The following CENPQ variants were observed in gnomAD, a reference collection of about 807,000 sequenced individuals.
CENPQ encodes the protein centromere protein Q, also known as chromosome 6 open reading frame 139.
Under a neutral mutation model 36.6 loss-of-function variants are expected in CENPQ, and 27 were observed. The observed-to-expected ratio is 0.74, with a 90% CI of 0.54 to 1.02. The LOEUF (loss-of-function observed/expected upper bound fraction) is 1.02, where lower values mean the gene tolerates loss of function less well. CENPQ is among the 50% of genes least tolerant of loss of function. CENPQ has a pLI of 0.00. For synonymous variants in CENPQ, 101 were observed against 101.7 expected, an observed-to-expected ratio of 0.99 and a Z score of 0.04; for missense variants, 306 against 301.8, an observed-to-expected ratio of 1.01 and a Z score of -0.10.
At position 49,492,251 on chromosome 6, in the gene CENPQ, C is replaced by T. The variant is rs909101137; in HGVS notation, c.783C>T (p.Ala261=). Residue 261 remains alanine, a synonymous_variant, in exon 9 of 9, where the codon GCC becomes GCT. Transcript: ENST00000335783. ...MKSMSTFIEE[A]YKKLDAS ...GCATGTCAACCTTCATTGAAGAAGC[C>T]TATAAGAAACTGGATGCATCTTAAA... 41 of 1,597,250 alleles carry T rather than the reference C, an allele frequency of 2.6e-5. No individual in the cohort carries two copies. The highest frequency in any genetic ancestry group is 2.6e-5 in the Non-Finnish European group (31 of 1,174,398).
intron 6 of CENPQ, among the ~76,000 whole-genome samples, chr6:49,487,112 C>T (rs550056430): frequency 2.0e-3 from 1 of 502 alleles, no homozygotes. Flanking sequence ...AAAATAGTGC[C>T]ATTGCACTCT....
At position 49,472,156 on chromosome 6, in the gene CENPQ, T is replaced by C; in HGVS notation, c.251T>C (p.Leu84Ser). 6.2e-7 allele frequency: 1 copy of C among 1,612,092 alleles called. No individual in the cohort carries two copies. Among genetic ancestry groups the C allele is most frequent in the South Asian group, 1.1e-5 (1 of 90,648 alleles). ...CTGTCAAAGAGTACCAGAGACCATT[T>C]GCAAACTATGATGGAATCAGTAATA... Reference protein sequence around the residue: ...QPLSKSTRDHLQTMMESVIMT... With the variant: ...QPLSKSTRDHSQTMMESVIMT... The change falls in exon 4 of 9, where the codon TTG becomes TCG. Residue 84 changes from leucine to serine, a missense_variant. By Grantham distance (145) the Leu-to-Ser change is moderately radical. Transcript: ENST00000335783.
At chr6:49,471,659 G>A (rs941818138) in intron 3 of CENPQ, among the ~76,000 whole-genome samples, 2 of 151,834 alleles carry the variant, frequency 1.3e-5, no homozygotes, top group African/African-American at 4.8e-5. Context: ...AGTACCAACA[G>A]CATAGTTGAC....
At chr6:49,466,091 A>C (rs1166042478) in intron 1 of CENPQ, among the ~76,000 whole-genome samples, 1 of 152,126 alleles carries the variant, frequency 6.6e-6, no homozygotes, top group Non-Finnish European at 1.5e-5. Context: ...TTTCAATATC[A>C]TTGTGTCTCA....
rs753384756 is a variant in CENPQ at position 49,472,133 on chromosome 6, G to A, written c.228G>A (p.Leu76=). Residue 76 remains leucine (L), a synonymous_variant, in exon 4 of 9, where the codon CTG becomes CTA. Transcript: ENST00000335783. ...GCAAGAGAAAAACCTGGCAACCTCTGTCAAAGAGTACCAGAGACCATTTGC... is the reference window on the plus strand; with the variant it reads ...GCAAGAGAAAAACCTGGCAACCTCTATCAAAGAGTACCAGAGACCATTTGC... ...AASKRKTWQP[L]SKSTRDHLQT... 6.2e-7 allele frequency: 1 copy of A among 1,612,866 alleles called. No individual in the cohort carries two copies. Among genetic ancestry groups the A allele is most frequent in the East Asian group, 2.2e-5 (1 of 44,810 alleles).
chr6:49,472,290 T>C (rs924569627), intron 4 of CENPQ, 107 bp downstream of exon 4: 1 of 899,844 alleles, frequency 1.1e-6, no homozygotes, highest in Admixed American at 3.2e-5. Context: ...ATAGAGTATA[T>C]TTCTATTTCG....
intron 7 of CENPQ, 53 bp from the exon 8 acceptor site, chr6:49,488,554 A>T (rs1768644319): frequency 6.3e-7 from 1 of 1,593,444 alleles, no homozygotes; most frequent in Non-Finnish European, 8.6e-7. Context: ...CGAGTATAAT[A>T]TGATGAGAGA....
At chr6:49,486,312 T>G (rs897822570) in intron 6 of CENPQ, among the ~76,000 whole-genome samples, 1 of 152,192 alleles carries the variant, frequency 6.6e-6, no homozygotes, top group Non-Finnish European at 1.5e-5. Flanking sequence ...CAGAATGAAT[T>G]TCTGTTATTT....
In CENPQ at chr6:49,465,303, C is replaced by T. The variant is rs113785666; in HGVS notation, c.-19+1850C>T. Among the ~76,000 whole-genome samples, 398 of 152,286 alleles carry T rather than the reference C, an allele frequency of 2.6e-3. 2 individuals are homozygous for T. The highest frequency in any genetic ancestry group is 9.2e-3 in the African/African-American group (381 of 41,562). ...GATGTGCTGTCACTCATGCTTTGTTCTTCCATTTCCAGAGCACAGACAGAG... is the reference window on the plus strand; with the variant it reads ...GATGTGCTGTCACTCATGCTTTGTTTTTCCATTTCCAGAGCACAGACAGAG... On this transcript the variant is annotated intron_variant, in intron 1 of 8. Transcript: ENST00000335783.
intron 8 of CENPQ, 118 bp from the exon 9 acceptor site, chr6:49,492,026 A>G (rs529668570): frequency 3.5e-5 from 26 of 746,578 alleles, no homozygotes; most frequent in Non-Finnish European, 3.8e-5. Flanking sequence ...ATTCGTTGAC[A>G]ATTATTGAAG....
In CENPQ at chr6:49,472,675, GA is replaced by G. The variant is rs1768170309; in HGVS notation, c.279-114del. 3 of 721,500 alleles carry G rather than the reference GA, an allele frequency of 4.2e-6. No homozygotes were observed. The East Asian group carries it at 1.1e-4, about 27-fold the overall frequency. The allele number at this position is 721,500 out of a possible 1,614,324, so 44.7% of individuals were successfully genotyped here. On this transcript the variant is annotated intron_variant, in intron 4 of 8. Transcript: ENST00000335783. ...CTTTAATATGAAAGGAAAAGTGATT[GA>G]TTTTGCCTGGCTAGTGGGGAGGGGT...
chr6:49,466,794 T>C (rs1011513306), intron 1 of CENPQ, among the ~76,000 whole-genome samples: 2 of 152,246 alleles, frequency 1.3e-5, no homozygotes, highest in Admixed American at 1.3e-4. Flanking sequence ...ATGTTAGTAC[T>C]TTTATTAATC....
intron 1 of CENPQ, among the ~76,000 whole-genome samples, chr6:49,464,577 T>C (rs1475983420): frequency 6.6e-6 from 1 of 152,262 alleles, no homozygotes; most frequent in East Asian, 1.9e-4. Flanking sequence ...GAGTAAATCC[T>C]CTTAACCCCT....
At chr6:49,472,404 G>A (rs1056034808) in intron 4 of CENPQ, among the ~76,000 whole-genome samples, 1 of 152,056 alleles carries the variant, frequency 6.6e-6, no homozygotes, top group African/African-American at 2.4e-5. Flanking sequence ...AAGTGTTTGT[G>A]GCCTGACTTG....
intron 5 of CENPQ, among the ~76,000 whole-genome samples, chr6:49,475,131 G>C (rs113086886): frequency 0.015 from 2,299 of 151,952 alleles, 66 homozygotes; most frequent in African/African-American, 0.051. Flanking sequence ...AATAGAAAAA[G>C]AGGGAATTTT....
At chr6:49,475,961 G>C (rs1260964282) in intron 5 of CENPQ, among the ~76,000 whole-genome samples, 1 of 152,104 alleles carries the variant, frequency 6.6e-6, no homozygotes, top group African/African-American at 2.4e-5. Context: ...CATGCTCATG[G>C]ATGGGAAGAA....
At chr6:49,479,276 A>T (rs1431877119) in intron 5 of CENPQ, among the ~76,000 whole-genome samples, 1 of 152,176 alleles carries the variant, frequency 6.6e-6, no homozygotes, top group Non-Finnish European at 1.5e-5. Flanking sequence ...ACTTAAACAA[A>T]TTAGCAAGCA....
intron 5 of CENPQ, among the ~76,000 whole-genome samples, chr6:49,479,826 C>G (rs536808084): frequency 2.0e-5 from 3 of 152,130 alleles, no homozygotes; most frequent in Non-Finnish European, 2.9e-5. Context: ...TGCAGCAACA[C>G]GGTTGGAGCT....
At chr6:49,472,957 C>CT (rs979399109) in intron 5 of CENPQ, 99 bp downstream of exon 5, 951 of 884,096 alleles carry the variant, frequency 1.1e-3, no homozygotes, top group South Asian at 1.6e-3. Flanking sequence ...GTAAGTTTTT[C>CT]TTTTTTTTTA....
Sources: gnomAD v4.1 joint callset for allele counts (sites outside exome capture counted in the v4.1 genomes callset) on GRCh38, gnomAD v4.1.1 for gene constraint, MANE v1.5 for transcripts, NCBI Gene and HGNC (gene_info 2026-07-23, HGNC 2026-07-21) for gene names.